Variants in RELN observed in about 807,000 individuals in gnomAD.
The protein encoded by RELN is reelin.
In RELN, 108 loss-of-function variants were observed where a neutral mutation model predicts 427.6. The observed-to-expected ratio is 0.25, with a 90% confidence interval of 0.22 to 0.30. The LOEUF (loss-of-function observed/expected upper bound fraction) is 0.30. Ranked by LOEUF, RELN falls within the 10% of genes least tolerant of loss-of-function variation. The pLI is 1.00. For synonymous variants in RELN, 1,524 were observed against 1,513.4 expected (o/e 1.01, Z -0.16); for missense variants, 3,715 against 4,302.8 (o/e 0.86, Z 3.82).
Position 103,698,009 on chromosome 7 carries a change from C to T in RELN, c.987G>A (p.Lys329=), listed in dbSNP as rs1310872032. The stretch of plus-strand genomic sequence containing the variant: ...CTTCACCTACACGAAGATTTTCCTG[C>T]TTCCACTGAAATTGGACATTCTCCC... The part of the protein sequence containing the change: ...AKGENVQFQW[K]QENLRVGEVY... The change falls in exon 10 of 65, where the codon AAG becomes AAA. Residue 329 remains lysine, a synonymous_variant. Coordinates refer to ENST00000428762, the MANE Select transcript of RELN (RefSeq NM_005045.4). The T allele has an allele frequency of 1.2e-6, 2 of 1,613,820 alleles. No individual in the cohort carries two copies. Among genetic ancestry groups the T allele is most frequent in the South Asian group, 1.1e-5 (1 of 91,086 alleles).
intron 2 of RELN, among the ~76,000 whole-genome samples, chr7:103,905,750 C>T (rs1475873573): frequency 2.0e-5 from 3 of 148,722 alleles, no homozygotes; most frequent in Non-Finnish European, 1.5e-5. Flanking sequence ...TCTTTGTCTT[C>T]GAAGAGACTT....
At chr7:103,830,731 C>T (rs1322119749) in intron 3 of RELN, among the ~76,000 whole-genome samples, 1 of 151,998 alleles carries the variant, frequency 6.6e-6, no homozygotes, top group African/African-American at 2.4e-5. Context: ...CCCATGTTCA[C>T]TTTTAACTTC....
At chr7:103,835,931 T>C (rs1793389438) in intron 2 of RELN, among the ~76,000 whole-genome samples, 1 of 151,162 alleles carries the variant, frequency 6.6e-6, no homozygotes, top group Admixed American at 6.6e-5. Flanking sequence ...TTAATATTTC[T>C]CTTTACAAAA....
chr7:103,948,890 C>G (rs1796272745), intron 1 of RELN, among the ~76,000 whole-genome samples: 1 of 151,648 alleles, frequency 6.6e-6, no homozygotes, highest in South Asian at 2.1e-4. Context: ...TGGTGCATGC[C>G]TGTAGTCCCA....
chr7:103,560,820 C>T (rs1020856952), intron 36 of RELN, among the ~76,000 whole-genome samples: 1 of 152,234 alleles, frequency 6.6e-6, no homozygotes, highest in Admixed American at 6.5e-5. Flanking sequence ...CATCTATTGA[C>T]TATAATTGAA....
At chr7:103,613,955 G>C (rs1487669734) in intron 20 of RELN, among the ~76,000 whole-genome samples, 1 of 152,196 alleles carries the variant, frequency 6.6e-6, no homozygotes, top group African/African-American at 2.4e-5. Flanking sequence ...GAAATGCTGT[G>C]TTTTATAAAT....
At chr7:103,958,296 A>C (rs754417729) in intron 1 of RELN, among the ~76,000 whole-genome samples, 2 of 152,216 alleles carry the variant, frequency 1.3e-5, no homozygotes, top group Non-Finnish European at 2.9e-5. Flanking sequence ...ATCTCATGTA[A>C]GTTTGGCACA....
intron 36 of RELN, among the ~76,000 whole-genome samples, chr7:103,561,267 A>G (rs1337883762): frequency 6.6e-6 from 1 of 152,246 alleles, no homozygotes; most frequent in Non-Finnish European, 1.5e-5. Context: ...TCTAAAAACT[A>G]TCTACATATA....
At chr7:103,502,809 G>T (rs953994426) in intron 52 of RELN, among the ~76,000 whole-genome samples, 2 of 152,140 alleles carry the variant, frequency 1.3e-5, no homozygotes, top group Non-Finnish European at 2.9e-5. Flanking sequence ...AGCCCATATT[G>T]CCAAGTCTGA....
chr7:103,759,858 T>C (rs1269433492), intron 4 of RELN, among the ~76,000 whole-genome samples: 1 of 152,106 alleles, frequency 6.6e-6, no homozygotes, highest in African/African-American at 2.4e-5. Flanking sequence ...CGACAGTTTC[T>C]CTTGCATTAG....
intron 16 of RELN, among the ~76,000 whole-genome samples, chr7:103,641,532 T>C (rs1349283737): frequency 6.6e-6 from 1 of 152,142 alleles, no homozygotes; most frequent in Non-Finnish European, 1.5e-5. Context: ...ATTAAAGATA[T>C]TGTTTCAGGT....
chr7:103,756,730 A>G (rs967730034), intron 4 of RELN, among the ~76,000 whole-genome samples: 1 of 151,126 alleles, frequency 6.6e-6, no homozygotes, highest in Non-Finnish European at 1.5e-5. Context: ...ACAAATTTAC[A>G]TCGTATTTTA....
intron 3 of RELN, among the ~76,000 whole-genome samples, chr7:103,801,206 T>C (rs1792455935): frequency 6.6e-6 from 1 of 152,194 alleles, no homozygotes; most frequent in South Asian, 2.1e-4. Context: ...AGAAATACCA[T>C]TTGACCCAGC....
Position 103,489,203 on chromosome 7 carries a change from G to GTGTGTGTGTGTGTGT in RELN, c.9763+538_9763+539insACACACACACACACA, listed in dbSNP as rs1828558083. 9.1e-3 allele frequency among the ~76,000 whole-genome samples: 1,348 copies of GTGTGTGTGTGTGTGT among 147,842 alleles called. 14 individuals carry two copies. Among genetic ancestry groups the GTGTGTGTGTGTGTGT allele is most frequent in the African/African-American group, 0.03 (1,192 of 39,356 alleles). On this transcript the variant is annotated intron_variant, in intron 60 of 64. Transcript: ENST00000428762. ...AATGTATTTCTTTGAGTCATAAAGG[G>GTGTGTGTGTGTGTGT]GTGTGTGTGTGTGTGTGTGTGTGTG...
At chr7:103,840,672 G>A (rs1235528651) in intron 2 of RELN, among the ~76,000 whole-genome samples, 1 of 152,120 alleles carries the variant, frequency 6.6e-6, no homozygotes, top group Admixed American at 6.5e-5. Flanking sequence ...GCAATTTACT[G>A]CATCCACCAT....
intron 40 of RELN, among the ~76,000 whole-genome samples, chr7:103,552,427 C>A (rs958112672): frequency 6.7e-6 from 1 of 149,296 alleles, no homozygotes; most frequent in African/African-American, 2.5e-5. Context: ...ACTTACATAA[C>A]TTTTAACTTC....
chr7:103,587,999 A>G (rs192420159), intron 28 of RELN, among the ~76,000 whole-genome samples: 1 of 152,300 alleles, frequency 6.6e-6, no homozygotes, highest in African/African-American at 2.4e-5. Flanking sequence ...AACACTAAAA[A>G]TAAAATTACC....
In RELN at chr7:103,503,284, C is replaced by T. The variant is rs17355678; in HGVS notation, c.8275-54G>A. The T allele has an allele frequency of 0.044, 66,997 of 1,539,302 alleles. 1,732 individuals carry two copies. Among genetic ancestry groups the T allele is most frequent in the Non-Finnish European group, 0.049 (54,619 of 1,116,356 alleles). On this transcript the variant is annotated intron_variant, in intron 51 of 64. Coordinates refer to ENST00000428762, the MANE Select transcript of RELN (RefSeq NM_005045.4). ...ATTAAAACTATATGATATGATTCTT[C>T]TCCAAGGACTTGGCAGCAAAAAAGC...
At chr7:103,773,158 TTC>T (rs1253511158) in intron 4 of RELN, among the ~76,000 whole-genome samples, 2 of 140,936 alleles carry the variant, frequency 1.4e-5, no homozygotes, top group African/African-American at 5.5e-5. Flanking sequence ...CTTTCTTTCT[TTC>T]TTTCTTTTTC....
Sources: gnomAD v4.1 joint callset for allele counts (sites outside exome capture counted in the v4.1 genomes callset) on GRCh38, gnomAD v4.1.1 for gene constraint, MANE v1.5 for transcripts, NCBI Gene and HGNC (gene_info 2026-07-23, HGNC 2026-07-21) for gene names.